The following ZNF595 variants were observed in gnomAD, a reference collection of about 807,000 sequenced individuals.
The protein encoded by ZNF595 is zinc finger protein 595.
Under a neutral mutation model 19.4 loss-of-function variants are expected in ZNF595, and 9 were observed. That is an observed-to-expected ratio of 0.46 (90% CI 0.28 to 0.81). The LOEUF is 0.81. Among genes scored for constraint, ZNF595 ranks in the 30% least tolerant of loss-of-function variants. ZNF595 has a pLI of 0.11. For missense variants in ZNF595, 729 were observed against 736.0 expected (o/e 0.99, Z 0.11); for synonymous variants, 255 against 255.9 (o/e 1.00, Z 0.03).
At chr4:78,015 T>A (rs1251014627) in intron 3 of ZNF595, among the ~76,000 whole-genome samples, 1 of 152,122 alleles carries the variant, frequency 6.6e-6, no homozygotes, top group Non-Finnish European at 1.5e-5. Flanking sequence ...TTTGTTTGTT[T>A]GTTTGTTTTT....
intron 3 of ZNF595, among the ~76,000 whole-genome samples, chr4:61,349 A>G (rs1477833036): frequency 3.9e-5 from 6 of 152,302 alleles, no homozygotes; most frequent in Non-Finnish European, 1.5e-5. Context: ...TCGGCCAGGC[A>G]GGTTTTGAAC....
intron 3 of ZNF595, among the ~76,000 whole-genome samples, chr4:74,305 T>C (rs1172121896): frequency 6.6e-6 from 1 of 151,830 alleles, no homozygotes; most frequent in Non-Finnish European, 1.5e-5. Context: ...ATATAAGTTA[T>C]ACTGTTGGGT....
chr4:86,457 G>C lies in ZNF595; in HGVS notation c.953G>C (p.Gly318Ala), dbSNP rs899915790. 1 of 1,613,890 alleles carries C rather than the reference G, an allele frequency of 6.2e-7. No individual in the cohort carries two copies. The highest frequency in any genetic ancestry group is 2.2e-5 in the East Asian group (1 of 44,860). ...GEKPYKCKEC[G>A]KAFRQSRSLN... ...AAACCCTACAAATGTAAAGAATGTG[G>C]CAAAGCCTTTAGACAGTCCAGGAGC... The change falls in exon 4 of 4, where the codon GGC becomes GCC. Residue 318 changes from glycine to alanine, a missense_variant. By Grantham distance (60) the Gly-to-Ala change is moderately conservative. Coordinates refer to ENST00000610261, the MANE Select transcript of ZNF595 (RefSeq NM_182524.4).
At position 87,048 on chromosome 4, in the gene ZNF595, A is replaced by G. The variant is rs782382504; in HGVS notation, c.1544A>G (p.Lys515Arg). 6.2e-7 allele frequency: 1 copy of G among 1,613,938 alleles called. No homozygotes were observed. The highest frequency in any genetic ancestry group is 8.5e-7 in the Non-Finnish European group (1 of 1,180,000). ...CCCTACAAATGTAAAGAATGTGGCAAAGCTTTTAACCAATCCTCAGGCCTT... is the reference window on the plus strand; with the variant it reads ...CCCTACAAATGTAAAGAATGTGGCAGAGCTTTTAACCAATCCTCAGGCCTT... ...EKPYKCKECG[K>R]AFNQSSGLII... Residue 515 changes from lysine to arginine, a missense_variant, in exon 4 of 4, where the codon AAA becomes AGA. Physicochemically the swap from Lys to Arg is conservative, Grantham distance 26. Transcript: ENST00000610261.
chr4:63,191 T>C (rs1581326306), intron 3 of ZNF595, among the ~76,000 whole-genome samples: 2 of 144,672 alleles, frequency 1.4e-5, no homozygotes, highest in East Asian at 4.1e-4. Flanking sequence ...TTTATGAATA[T>C]ACTATACTCT....
rs782225316 is a variant in ZNF595, at chr4:87,293, T to C, written c.1789T>C (p.Cys597Arg). ...TGEKPFTCEE[C>R]GKAFNWSSSL... ...AGAGAAACCCTTCACATGTGAAGAA[T>C]GTGGCAAAGCCTTCAATTGGTCCTC... Residue 597 changes from cysteine to arginine, a missense_variant, in exon 4 of 4, where the codon TGT (cysteine) becomes CGT (arginine). Transcript: ENST00000610261. 12 of 1,613,614 alleles carry C rather than the reference T, an allele frequency of 7.4e-6. No individual in the cohort carries two copies. The highest frequency in any genetic ancestry group is 6.7e-5 in the Admixed American group (4 of 59,942).
chr4:79,486 C>G (rs1246675514), intron 3 of ZNF595, among the ~76,000 whole-genome samples: 1 of 152,106 alleles, frequency 6.6e-6, no homozygotes, highest in Non-Finnish European at 1.5e-5. Flanking sequence ...AAAAGACTGT[C>G]TTTTTCCAGC....
Position 86,895 on chromosome 4 carries a change from C to G in ZNF595, c.1391C>G (p.Ser464Cys). ...CEECGKAFTR[S>C]TTLNEHKKIH... ...GAATGTGGCAAAGCCTTTACACGGTCCACAACACTGAACGAACATAAGAAA... is the reference window on the plus strand; with the variant it reads ...GAATGTGGCAAAGCCTTTACACGGTGCACAACACTGAACGAACATAAGAAA... Residue 464 changes from serine to cysteine, a missense_variant, in exon 4 of 4, where the codon TCC (serine) becomes TGC (cysteine). Ser to Cys is a moderately radical substitution (Grantham distance 112, BLOSUM62 -1). This residue lies in a region of ZNF595 where 729 missense variants were observed against 675.3 expected (regional missense o/e 1.08). Coordinates refer to ENST00000610261, the MANE Select transcript of ZNF595 (RefSeq NM_182524.4). 6.2e-7 allele frequency: 1 copy of G among 1,612,022 alleles called. No individual in the cohort carries two copies. Among genetic ancestry groups the G allele is most frequent in the East Asian group, 2.2e-5 (1 of 44,810 alleles).
intron 3 of ZNF595, among the ~76,000 whole-genome samples, chr4:66,408 G>A (rs1320245559): frequency 1.3e-5 from 2 of 151,364 alleles, no homozygotes; most frequent in African/African-American, 2.4e-5. Context: ...TGCTGCTTAG[G>A]TGGGACTCTT....
At chr4:66,805 T>A (rs1429409774) in intron 3 of ZNF595, among the ~76,000 whole-genome samples, 909 of 151,868 alleles carry the variant, frequency 6.0e-3, no homozygotes, top group African/African-American at 0.021. Flanking sequence ...CTATTTGTCT[T>A]CTTGCAAGTA....
chr4:83,272 A>G (rs534654994), intron 3 of ZNF595, among the ~76,000 whole-genome samples: 1 of 152,028 alleles, frequency 6.6e-6, no homozygotes, highest in Non-Finnish European at 1.5e-5. Context: ...TTTTTCTTTC[A>G]TCTTGCCTTT....
chr4:76,424 T>G (rs143475485), intron 3 of ZNF595, among the ~76,000 whole-genome samples: 2,105 of 152,284 alleles, frequency 0.014, 24 homozygotes, highest in South Asian at 0.039. Flanking sequence ...ATTGAGGCTA[T>G]ATATATTTTA....
chr4:81,418 C>T (rs113608164), intron 3 of ZNF595, among the ~76,000 whole-genome samples: 29 of 152,196 alleles, frequency 1.9e-4, no homozygotes, highest in African/African-American at 6.3e-4. Flanking sequence ...CATTGAAATT[C>T]TTCTGATTTT....
rs1714269120 is a variant in ZNF595, at chr4:87,363, A to T, written c.1859A>T (p.Tyr620Phe). ...HKIIHTGEKS[Y>F]KCEECGKAFN... ...ATAATTCATACTGGAGAGAAATCCT[A>T]CAAATGTGAAGAATGTGGCAAAGCT... The change falls in exon 4 of 4, where the codon TAC becomes TTC. Residue 620 changes from tyrosine (Y) to phenylalanine (F), a missense_variant. This residue lies in a region of ZNF595 where 729 missense variants were observed against 675.3 expected (regional missense o/e 1.08). Coordinates refer to ENST00000610261, the MANE Select transcript of ZNF595 (RefSeq NM_182524.4). The T allele has an allele frequency of 6.2e-7, 1 of 1,613,488 alleles. No individual in the cohort carries two copies.
chr4:85,947 A>T lies in ZNF595; in HGVS notation c.443A>T (p.Asn148Ile). 1 of 1,612,166 alleles carries T rather than the reference A, an allele frequency of 6.2e-7. No homozygotes were observed. The highest frequency in any genetic ancestry group is 1.1e-5 in the South Asian group (1 of 90,958). The part of the protein sequence containing the change: ...STTQSKIFQC[N>I]TCVKVFSKFS... ...ACCCAGAGCAAAATATTTCAATGTAATACATGTGTTAAAGTTTTTAGTAAA... is the reference window on the plus strand; with the variant it reads ...ACCCAGAGCAAAATATTTCAATGTATTACATGTGTTAAAGTTTTTAGTAAA... Residue 148 changes from asparagine to isoleucine, a missense_variant, in exon 4 of 4, where the codon AAT becomes ATT. By Grantham distance (149) the Asn-to-Ile change is moderately radical. Coordinates refer to ENST00000610261, the MANE Select transcript of ZNF595 (RefSeq NM_182524.4).
At chr4:69,131 A>G (rs1713326247) in intron 3 of ZNF595, among the ~76,000 whole-genome samples, 1 of 152,204 alleles carries the variant, frequency 6.6e-6, no homozygotes, top group South Asian at 2.1e-4. Flanking sequence ...TATTTGTACC[A>G]CAGTTGCTTT....
Position 86,788 on chromosome 4 carries a change from ATG to A in ZNF595, c.1287_1288del (p.Cys429TrpfsTer5). ...GAGAGAAACCCTACACGTGCGAAGA[ATG>A]TGGCAAAGCTTTTAACCAATCCTCA... ...TGEKPYTCEE[C>X]GKAFNQSSTL... is the part of the protein sequence containing the mutation. On this transcript the variant is annotated frameshift_variant, in exon 4 of 4. Coordinates refer to ENST00000610261, the MANE Select transcript of ZNF595 (RefSeq NM_182524.4). LOFTEE classifies it high-confidence loss of function. The A allele has an allele frequency of 1.9e-6, 3 of 1,614,006 alleles. No homozygotes were observed. The highest frequency in any genetic ancestry group is 2.5e-6 in the Non-Finnish European group (3 of 1,179,924).
At chr4:82,176 C>T (rs1177244169) in intron 3 of ZNF595, among the ~76,000 whole-genome samples, 3 of 151,980 alleles carry the variant, frequency 2.0e-5, no homozygotes, top group African/African-American at 7.3e-5. Flanking sequence ...GCTTCATTGT[C>T]CCTTGAAATT....
chr4:74,223 G>A (rs1253740373), intron 3 of ZNF595, among the ~76,000 whole-genome samples: 4 of 151,216 alleles, frequency 2.6e-5, no homozygotes, highest in Admixed American at 2.6e-4. Context: ...AGGATCACTT[G>A]AAGGCTGGGA....
Sources: gnomAD v4.1 joint callset for allele counts (sites outside exome capture counted in the v4.1 genomes callset) on GRCh38, gnomAD v4.1.1 for gene constraint, gnomAD v4.1.1 regional missense constraint, MANE v1.5 for transcripts, NCBI Gene and HGNC (gene_info 2026-07-23, HGNC 2026-07-21) for gene names.